GPR158: variants seen among roughly 807,000 people sequenced by gnomAD.
The protein encoded by GPR158 is metabotropic glycine receptor.
In GPR158, 30 loss-of-function variants were observed where a neutral mutation model predicts 78.2. The observed-to-expected ratio is 0.38, with a 90% confidence interval of 0.29 to 0.52. The LOEUF is 0.52. Among genes scored for constraint, GPR158 ranks in the 20% least tolerant of loss-of-function variants. The pLI, the probability that GPR158 is intolerant of heterozygous loss-of-function variation, is 0.83. For missense variants in GPR158, 1,463 were observed against 1,523.5 expected (o/e 0.96, Z 0.66); for synonymous variants, 581 against 591.1 (o/e 0.98, Z 0.25).
chr10:25,503,893 CT>C (rs60614079), intron 5 of GPR158, among the ~76,000 whole-genome samples: 7,247 of 140,570 alleles, frequency 0.052, 460 homozygotes, highest in African/African-American at 0.16. Context: ...TCTATTTTCA[CT>C]TTTTTTTTTT....
intron 5 of GPR158, among the ~76,000 whole-genome samples, chr10:25,533,909 T>G (rs1300430628): frequency 1.3e-5 from 2 of 152,186 alleles, no homozygotes; most frequent in Non-Finnish European, 2.9e-5. Context: ...TGCCTCAGCT[T>G]CCCCATATGT....
chr10:25,452,032 G>A (rs904139193), intron 4 of GPR158, among the ~76,000 whole-genome samples: 1 of 151,826 alleles, frequency 6.6e-6, no homozygotes, highest in South Asian at 2.1e-4. Context: ...GTTTGGTTTG[G>A]TTTGGTTTTT....
intron 8 of GPR158, among the ~76,000 whole-genome samples, chr10:25,591,927 TAGGCAA>T (rs1837346006): frequency 6.6e-6 from 1 of 152,004 alleles, no homozygotes; most frequent in African/African-American, 2.4e-5. Flanking sequence ...GAGAAAGCAA[TAGGCAA>T]TAATAAACCA....
At chr10:25,348,790 G>A (rs923191323) in intron 2 of GPR158, among the ~76,000 whole-genome samples, 1 of 151,978 alleles carries the variant, frequency 6.6e-6, no homozygotes, top group Non-Finnish European at 1.5e-5. Context: ...TATGTGGCAT[G>A]TGAAAAAGAG....
chr10:25,370,824 A>T (rs1162985052), intron 2 of GPR158, among the ~76,000 whole-genome samples: 3 of 151,614 alleles, frequency 2.0e-5, no homozygotes, highest in Non-Finnish European at 4.4e-5. Flanking sequence ...TAGGTCACTC[A>T]GGACTTGCTT....
chr10:25,372,184 C>T (rs1210404626), intron 2 of GPR158, among the ~76,000 whole-genome samples: 10 of 151,840 alleles, frequency 6.6e-5, no homozygotes, highest in African/African-American at 2.4e-4. Flanking sequence ...GTTAGAATGG[C>T]AATCATTAAA....
intron 5 of GPR158, among the ~76,000 whole-genome samples, chr10:25,550,650 TGC>T (rs2130712041): frequency 6.6e-6 from 1 of 152,304 alleles, no homozygotes; most frequent in East Asian, 1.9e-4. Flanking sequence ...GTGTATAACA[TGC>T]AGGTTTGTTA....
At chr10:25,374,779 G>A (rs1405060957) in intron 2 of GPR158, among the ~76,000 whole-genome samples, 1 of 151,654 alleles carries the variant, frequency 6.6e-6, no homozygotes, top group Non-Finnish European at 1.5e-5. Flanking sequence ...GATGTACTAT[G>A]TTGGTTTAAC....
chr10:25,300,993 TGTG>T (rs1327689741), intron 2 of GPR158, among the ~76,000 whole-genome samples: 5 of 152,202 alleles, frequency 3.3e-5, no homozygotes, highest in Non-Finnish European at 7.3e-5. Flanking sequence ...CTGAGACTAA[TGTG>T]GTGTCTTATT....
intron 2 of GPR158, among the ~76,000 whole-genome samples, chr10:25,296,051 A>AG (rs1244313677): frequency 1.4e-5 from 1 of 71,712 alleles, no homozygotes; most frequent in African/African-American, 4.2e-5. Context: ...AGGGGCAGGG[A>AG]GGAAAAAAAA....
At chr10:25,321,136 TAGAA>T (rs1237143799) in intron 2 of GPR158, among the ~76,000 whole-genome samples, 1 of 152,196 alleles carries the variant, frequency 6.6e-6, no homozygotes, top group African/African-American at 2.4e-5. Context: ...ATTGCAAAAT[TAGAA>T]AGTCATAACA....
intron 7 of GPR158, among the ~76,000 whole-genome samples, chr10:25,577,602 G>A (rs572485491): frequency 2.6e-5 from 4 of 152,120 alleles, no homozygotes; most frequent in Non-Finnish European, 4.4e-5. Flanking sequence ...TTGAAAGACC[G>A]GGCTCATTCT....
chr10:25,417,656 T>C (rs969361560), intron 4 of GPR158, among the ~76,000 whole-genome samples: 2 of 152,136 alleles, frequency 1.3e-5, no homozygotes, highest in African/African-American at 4.8e-5. Flanking sequence ...AGACAGTTGA[T>C]TGTGAAGCTA....
chr10:25,439,343 C>T (rs540453224), intron 4 of GPR158, among the ~76,000 whole-genome samples: 1 of 152,280 alleles, frequency 6.6e-6, no homozygotes, highest in African/African-American at 2.4e-5. Flanking sequence ...ACCATGAGAA[C>T]AGTGTGGGGG....
chr10:25,461,631 A>G (rs1054250789), intron 4 of GPR158, among the ~76,000 whole-genome samples: 3 of 152,220 alleles, frequency 2.0e-5, no homozygotes, highest in South Asian at 4.1e-4. Flanking sequence ...GTCACTCAGA[A>G]GATCTAGCTA....
chr10:25,377,160 A>G (rs1283244818), intron 2 of GPR158, among the ~76,000 whole-genome samples: 1 of 151,618 alleles, frequency 6.6e-6, no homozygotes, highest in Non-Finnish European at 1.5e-5. Context: ...CTCTCCAATT[A>G]TAGGTATGTT....
intron 2 of GPR158, among the ~76,000 whole-genome samples, chr10:25,231,564 G>A (rs551037108): frequency 6.6e-6 from 1 of 152,196 alleles, no homozygotes; most frequent in South Asian, 2.1e-4. Context: ...TGAAATATTT[G>A]AATTAGAATG....
intron 5 of GPR158, among the ~76,000 whole-genome samples, chr10:25,484,583 G>A (rs890146036): frequency 2.6e-5 from 4 of 152,262 alleles, no homozygotes; most frequent in African/African-American, 9.6e-5. Context: ...ACTTGACAGT[G>A]AGACAGTTTG....
At chr10:25,486,594 G>GT (rs1835739548) in intron 5 of GPR158, among the ~76,000 whole-genome samples, 1 of 152,078 alleles carries the variant, frequency 6.6e-6, no homozygotes, top group African/African-American at 2.4e-5. Context: ...CTAAAACGTG[G>GT]TTTTTTGGAC....
Sources: allele counts gnomAD v4.1 joint callset (sites outside exome capture counted in the v4.1 genomes callset), GRCh38; gene constraint gnomAD v4.1.1; transcripts MANE v1.5; gene names NCBI Gene and HGNC (gene_info 2026-07-23, HGNC 2026-07-21).